C9: variants seen among roughly 807,000 people sequenced by gnomAD.
C9 encodes complement component C9.
Under a neutral mutation model 65.4 loss-of-function variants are expected in C9, and 63 were observed. The observed-to-expected ratio is 0.96, with a 90% CI of 0.79 to 1.19. C9 has a LOEUF of 1.19. Ranked by LOEUF, C9 falls within the 50% of genes most tolerant of loss-of-function variation. The pLI, the probability that C9 is intolerant of heterozygous loss-of-function variation, is 0.00. For synonymous variants in C9, 229 were observed against 227.9 expected, an observed-to-expected ratio of 1.00 and a Z score of -0.04; for missense variants, 744 against 670.1, an observed-to-expected ratio of 1.11 and a Z score of -1.22.
chr5:39,307,579 C>G (rs1482603308), intron 8 of C9, among the ~76,000 whole-genome samples: 1 of 152,122 alleles, frequency 6.6e-6, no homozygotes, highest in Admixed American at 6.6e-5. Context: ...TTTTTCCTCA[C>G]TTTTGCCTCC....
chr5:39,345,467 A>G (rs1754173821), intron 1 of C9, among the ~76,000 whole-genome samples: 1 of 152,254 alleles, frequency 6.6e-6, no homozygotes, highest in Non-Finnish European at 1.5e-5. Flanking sequence ...CAACAAGAAG[A>G]GCTAACTATC....
chr5:39,355,743 C>G (rs1398194991), intron 1 of C9, among the ~76,000 whole-genome samples: 1 of 152,118 alleles, frequency 6.6e-6, no homozygotes, highest in Non-Finnish European at 1.5e-5. Flanking sequence ...TTTTGCAATT[C>G]TAGAGGCTAG....
rs1753606859 is a variant in C9, at chr5:39,318,268, CTAAATAT to C, written c.616-2246_616-2240del. 3.9e-5 allele frequency among the ~76,000 whole-genome samples: 6 copies of C among 152,094 alleles called. No homozygotes were observed. In the South Asian group the frequency reaches 1.2e-3, roughly 32 times the overall value. On this transcript the variant is annotated intron_variant, in intron 5 of 10. Transcript: ENST00000263408. ...CTCTGGGCTGAGACAACGGGGTTTT[CTAAATAT>C]AGGATCATGTCATCTGGTCATCTGC...
intron 5 of C9, among the ~76,000 whole-genome samples, chr5:39,331,348 C>G (rs915411952): frequency 6.6e-6 from 1 of 152,112 alleles, no homozygotes; most frequent in Non-Finnish European, 1.5e-5. Flanking sequence ...CAAACAATAA[C>G]AGCAAAACTC....
intron 1 of C9, among the ~76,000 whole-genome samples, chr5:39,348,541 G>A (rs1164785180): frequency 1.3e-5 from 2 of 152,138 alleles, no homozygotes; most frequent in East Asian, 3.9e-4. Flanking sequence ...GAGAGGATGT[G>A]GAGAAATAGG....
At chr5:39,286,499 T>C (rs999725106) in intron 10 of C9, among the ~76,000 whole-genome samples, 3 of 151,064 alleles carry the variant, frequency 2.0e-5, no homozygotes, top group Non-Finnish European at 3.0e-5. Flanking sequence ...CAAAAGAAAA[T>C]TGAAAAAGAA....
At chr5:39,307,387 A>G (rs1290573382) in intron 8 of C9, among the ~76,000 whole-genome samples, 1 of 152,160 alleles carries the variant, frequency 6.6e-6, no homozygotes, top group Non-Finnish European at 1.5e-5. Context: ...TCATTTTTAT[A>G]GAAGAGAAAT....
At chr5:39,349,245 C>G (rs751183448) in intron 1 of C9, among the ~76,000 whole-genome samples, 1 of 151,924 alleles carries the variant, frequency 6.6e-6, no homozygotes, top group Non-Finnish European at 1.5e-5. Flanking sequence ...CTCTAGATCC[C>G]AGCTCCCCTT....
intron 1 of C9, among the ~76,000 whole-genome samples, chr5:39,345,409 A>T: frequency 6.6e-6 from 1 of 152,240 alleles, no homozygotes; most frequent in East Asian, 1.9e-4. Flanking sequence ...ACCAAAAAAG[A>T]TCAAAAGAGA....
At chr5:39,343,913 G>A (rs542360547) in intron 1 of C9, among the ~76,000 whole-genome samples, 12 of 152,224 alleles carry the variant, frequency 7.9e-5, no homozygotes, top group Admixed American at 7.2e-4. Context: ...CAGCAAACAC[G>A]GTCTGGAGTG....
chr5:39,344,241 T>C (rs918011801), intron 1 of C9, among the ~76,000 whole-genome samples: 1 of 152,146 alleles, frequency 6.6e-6, no homozygotes, highest in South Asian at 2.1e-4. Flanking sequence ...AAGGAGGAAG[T>C]TCGAACCCAA....
chr5:39,322,840 C>G (rs1753686387), intron 5 of C9, among the ~76,000 whole-genome samples: 1 of 151,958 alleles, frequency 6.6e-6, no homozygotes, highest in Non-Finnish European at 1.5e-5. Flanking sequence ...CTTAGGTATT[C>G]TAAGTAATCT....
chr5:39,304,273 A>T (rs1341774504), intron 9 of C9, among the ~76,000 whole-genome samples: 15 of 152,148 alleles, frequency 9.9e-5, no homozygotes, highest in Admixed American at 9.8e-4. Flanking sequence ...TACCTAGATA[A>T]TTGCTTTAAT....
chr5:39,343,675 A>C (rs1326680105), intron 1 of C9, among the ~76,000 whole-genome samples: 1 of 152,190 alleles, frequency 6.6e-6, no homozygotes, highest in Non-Finnish European at 1.5e-5. Context: ...TGAAGAGAGT[A>C]GTGGTTCTCC....
chr5:39,333,850 G>A, intron 4 of C9, among the ~76,000 whole-genome samples: 1 of 152,170 alleles, frequency 6.6e-6, no homozygotes, highest in Non-Finnish European at 1.5e-5. Context: ...CTAACCGCGA[G>A]TGATCCGCCA....
chr5:39,360,899 T>C (rs1397483540), intron 1 of C9, among the ~76,000 whole-genome samples: 1 of 152,184 alleles, frequency 6.6e-6, no homozygotes, highest in Admixed American at 6.5e-5. Context: ...AAAGTGATTA[T>C]CTTTTGACTC....
intron 5 of C9, among the ~76,000 whole-genome samples, chr5:39,318,330 G>A (rs945421535): frequency 1.7e-4 from 26 of 151,984 alleles, no homozygotes; most frequent in African/African-American, 5.1e-4. Context: ...TTCTCTCTTC[G>A]TATTTGAATA....
intron 5 of C9, among the ~76,000 whole-genome samples, chr5:39,330,333 G>C (rs1753818086): frequency 1.3e-5 from 2 of 152,090 alleles, no homozygotes; most frequent in African/African-American, 2.4e-5. Flanking sequence ...CAGGGTTATG[G>C]ATAAGGGAAA....
At position 39,304,795 on chromosome 5, in the gene C9, G is replaced by C. The variant is rs77904956; in HGVS notation, c.1416+1822C>G. ...ACCTGAAAATTTGGGGAAGTAAATG[G>C]TTGTCCCTAAAAATGGGATAAACTA... On this transcript the variant is annotated intron_variant, in intron 9 of 10. Transcript: ENST00000263408. 2.0e-5 allele frequency among the ~76,000 whole-genome samples: 3 copies of C among 152,262 alleles called. No individual in the cohort carries two copies. In the East Asian group the frequency reaches 5.8e-4, roughly 29 times the overall value.
Sources: allele counts gnomAD v4.1 joint callset (sites outside exome capture counted in the v4.1 genomes callset), GRCh38; gene constraint gnomAD v4.1.1; transcripts MANE v1.5; gene names NCBI Gene and HGNC (gene_info 2026-07-23, HGNC 2026-07-21).